Variants in GSE1 observed in about 807,000 individuals in gnomAD.
GSE1 encodes the protein genetic suppressor element 1.
Under a neutral mutation model 112.6 loss-of-function variants are expected in GSE1, and 32 were observed. That is an observed-to-expected ratio of 0.28 (90% CI 0.21 to 0.38). The LOEUF is 0.38. GSE1 is among the 10% of genes least tolerant of loss of function. The pLI is 1.00. For missense variants in GSE1, 2,348 were observed against 1,699.2 expected, an observed-to-expected ratio of 1.38 and a Z score of -6.71; for synonymous variants, 1,115 against 735.6, an observed-to-expected ratio of 1.52 and a Z score of -8.35.
At chr16:85,320,829 C>T (rs2046091630) in intron 1 of GSE1, among the ~76,000 whole-genome samples, 1 of 152,156 alleles carries the variant, frequency 6.6e-6, no homozygotes, top group Non-Finnish European at 1.5e-5. Context: ...GAGGCACTGC[C>T]TTCTTGCTAT....
chr16:85,176,440 T>C (rs972516212), intron 1 of GSE1, among the ~76,000 whole-genome samples: 19 of 152,250 alleles, frequency 1.2e-4, no homozygotes, highest in African/African-American at 4.3e-4. Flanking sequence ...TGAGTTTCTT[T>C]GCTTACTGAG....
chr16:85,211,444 C>CG (rs2075223767), intron 1 of GSE1, among the ~76,000 whole-genome samples: 1 of 152,176 alleles, frequency 6.6e-6, no homozygotes, highest in Admixed American at 6.5e-5. Context: ...AGTGTGAGAA[C>CG]TGCGTTCCTG....
intron 2 of GSE1, among the ~76,000 whole-genome samples, chr16:85,495,334 C>T (rs915642378): frequency 6.6e-6 from 1 of 152,006 alleles, no homozygotes; most frequent in African/African-American, 2.4e-5. Context: ...GGTTCGGTAG[C>T]GGCAGCGTGA....
intron 1 of GSE1, among the ~76,000 whole-genome samples, chr16:85,327,922 G>T (rs2151510821): frequency 6.6e-6 from 1 of 152,278 alleles, no homozygotes; most frequent in East Asian, 1.9e-4. Flanking sequence ...GGAGTAGGGG[G>T]GCGGATGGCT....
intron 1 of GSE1, among the ~76,000 whole-genome samples, chr16:85,352,122 T>C (rs1198710477): frequency 6.6e-6 from 1 of 152,174 alleles, no homozygotes. Flanking sequence ...CATACAGTCT[T>C]CCTCTTTGGA....
At chr16:85,650,632 C>T (rs1210899084) in intron 3 of GSE1, among the ~76,000 whole-genome samples, 1 of 152,200 alleles carries the variant, frequency 6.6e-6, no homozygotes, top group Non-Finnish European at 1.5e-5. Context: ...CAGGCCCGCC[C>T]CAGCAGTGTA....
At chr16:85,343,328 C>G (rs1426770032) in intron 1 of GSE1, among the ~76,000 whole-genome samples, 1 of 152,110 alleles carries the variant, frequency 6.6e-6, no homozygotes, top group East Asian at 1.9e-4. Flanking sequence ...AGCAGATTAG[C>G]GGTTATCAAT....
chr16:85,559,514 A>G (rs555640229), intron 1 of GSE1, among the ~76,000 whole-genome samples: 3 of 152,320 alleles, frequency 2.0e-5, no homozygotes, highest in Admixed American at 2.0e-4. Flanking sequence ...GATCCCAGAC[A>G]CTGCAGGGAG....
chr16:85,350,589 C>T (rs952232651), intron 1 of GSE1, among the ~76,000 whole-genome samples: 2 of 152,142 alleles, frequency 1.3e-5, no homozygotes, highest in Non-Finnish European at 2.9e-5. Flanking sequence ...CCTTCCCCAG[C>T]ACACACCCCT....
At chr16:85,507,499 G>A (rs1010813637) in intron 2 of GSE1, among the ~76,000 whole-genome samples, 3 of 152,228 alleles carry the variant, frequency 2.0e-5, no homozygotes, top group Non-Finnish European at 4.4e-5. Flanking sequence ...GGCTGCCATG[G>A]CAAAATGCCA....
intron 2 of GSE1, among the ~76,000 whole-genome samples, chr16:85,362,586 G>A (rs1440426723): frequency 2.0e-5 from 3 of 152,226 alleles, no homozygotes; most frequent in African/African-American, 2.4e-5. Flanking sequence ...CCTTCTGGTA[G>A]CGTGGTGTCA....
intron 14 of GSE1, among the ~76,000 whole-genome samples, chr16:85,668,657 G>A (rs961039682): frequency 6.6e-6 from 1 of 152,206 alleles, no homozygotes; most frequent in Non-Finnish European, 1.5e-5. Context: ...GCCAGCTCTG[G>A]TGGCACCTGT....
intron 2 of GSE1, among the ~76,000 whole-genome samples, chr16:85,386,133 C>T (rs1391158446): frequency 6.6e-6 from 1 of 152,194 alleles, no homozygotes; most frequent in Non-Finnish European, 1.5e-5. Context: ...CCACCCCCTC[C>T]CACCCTGTTT....
At chr16:85,288,902 G>C (rs1174933555) in intron 1 of GSE1, among the ~76,000 whole-genome samples, 1 of 152,178 alleles carries the variant, frequency 6.6e-6, no homozygotes, top group Non-Finnish European at 1.5e-5. Context: ...AGGAGGCCCA[G>C]CCTGGGCTCT....
At chr16:85,183,535 G>A (rs934027311) in intron 1 of GSE1, among the ~76,000 whole-genome samples, 1 of 152,218 alleles carries the variant, frequency 6.6e-6, no homozygotes, top group Non-Finnish European at 1.5e-5. Context: ...GTTCTCATCT[G>A]TGACCCCAGA....
intron 2 of GSE1, among the ~76,000 whole-genome samples, chr16:85,393,802 C>A (rs1280175141): frequency 2.0e-5 from 3 of 152,240 alleles, no homozygotes; most frequent in Admixed American, 2.0e-4. Flanking sequence ...CACTGCCCCC[C>A]AGCCTGGTGG....
chr16:85,662,737 C>A, intron 9 of GSE1: 1 of 516,368 alleles, frequency 1.9e-6, no homozygotes. Context: ...CTTGTCAGCC[C>A]AGGGGACCAC....
At chr16:85,299,403 A>AC (rs1243806163) in intron 1 of GSE1, among the ~76,000 whole-genome samples, 1 of 151,306 alleles carries the variant, frequency 6.6e-6, no homozygotes, top group African/African-American at 2.4e-5. Flanking sequence ...ATCCTCTCCA[A>AC]CCCCCCTGCC....
At chr16:85,656,190 GT>G (rs2051912649) in intron 6 of GSE1, among the ~76,000 whole-genome samples, 152 bp from the exon 7 acceptor site, 1 of 152,122 alleles carries the variant, frequency 6.6e-6, no homozygotes, top group Non-Finnish European at 1.5e-5. Context: ...TGGACCTTAA[GT>G]TCTTCCTGCA....
Sources: allele counts gnomAD v4.1 joint callset (sites outside exome capture counted in the v4.1 genomes callset), GRCh38; gene constraint gnomAD v4.1.1; transcripts MANE v1.5; gene names NCBI Gene and HGNC (gene_info 2026-07-23, HGNC 2026-07-21).